CRACR2A: variants seen among roughly 807,000 people sequenced by gnomAD.
CRACR2A encodes calcium release activated channel regulator 2A.
CRACR2A carries 79 observed loss-of-function variants against 90.5 expected under a neutral mutation model. The observed-to-expected ratio is 0.87, with a 90% CI of 0.73 to 1.05. CRACR2A has a LOEUF of 1.05. Ranked by LOEUF, CRACR2A falls within the 50% of genes least tolerant of loss-of-function variation. CRACR2A has a pLI of 0.00. For synonymous variants in CRACR2A, 338 were observed against 356.7 expected, an observed-to-expected ratio of 0.95 and a Z score of 0.59; for missense variants, 823 against 897.2, an observed-to-expected ratio of 0.92 and a Z score of 1.06.
In CRACR2A at chr12:3,696,858, G is replaced by A; in HGVS notation, c.142C>T (p.Gln48Ter). 3 of 1,614,204 alleles carry A rather than the reference G, an allele frequency of 1.9e-6. No individual in the cohort carries two copies. The highest frequency in any genetic ancestry group is 2.5e-6 in the Non-Finnish European group (3 of 1,180,036). Residue 48 changes from glutamine (Q) to a stop codon, truncating the protein, a stop_gained, in exon 4 of 20, where the codon CAG becomes TAG. Transcript: ENST00000440314. LOFTEE classifies it high-confidence loss of function. Reference sequence around the variant, plus strand: ...TGTGCCTTCCTCAGCATGACTAGCTGGCCCGACGTTTGCTCCTGAGTCTCC... The same window carrying A: ...TGTGCCTTCCTCAGCATGACTAGCTAGCCCGACGTTTGCTCCTGAGTCTCC... Reference protein sequence around the residue: ...QKETQEQTSGQLVMLRKAQEF... With the variant: ...QKETQEQTSG
At chr12:3,654,432 G>A in intron 9 of CRACR2A, 33 bp from the exon 10 acceptor site, 3 of 1,549,708 alleles carry the variant, frequency 1.9e-6, no homozygotes, top group Non-Finnish European at 2.6e-6. Context: ...GGGGAATGAG[G>A]AGTGACCACC....
chr12:3,742,584 G>A (rs1170149220), intron 1 of CRACR2A, among the ~76,000 whole-genome samples: 2 of 152,266 alleles, frequency 1.3e-5, no homozygotes, highest in African/African-American at 4.8e-5. Context: ...GAACTAGTCA[G>A]TGAAGGCCAG....
At chr12:3,735,931 G>C (rs1035054548) in intron 1 of CRACR2A, among the ~76,000 whole-genome samples, 1 of 152,158 alleles carries the variant, frequency 6.6e-6, no homozygotes, top group Admixed American at 6.6e-5. Context: ...TACTGAGAAG[G>C]GATGGCATGC....
rs779197323 is a variant in CRACR2A at position 3,656,279 on chromosome 12, C to T, written c.858+32G>A. 9 of 1,604,022 alleles carry T rather than the reference C, an allele frequency of 5.6e-6. No homozygotes were observed. The South Asian group carries it at 8.8e-5, about 16-fold the overall frequency. ...CAGAGAAAAGGAGAGAGTGAAGAGCCAGGTACTCTGGGGCCATGGATGGCA... is the reference window on the plus strand; with the variant it reads ...CAGAGAAAAGGAGAGAGTGAAGAGCTAGGTACTCTGGGGCCATGGATGGCA... On this transcript the variant is annotated intron_variant, in intron 9 of 19. Transcript: ENST00000440314.
chr12:3,735,468 GTAA>G (rs1565507655), intron 1 of CRACR2A, among the ~76,000 whole-genome samples: 1 of 152,132 alleles, frequency 6.6e-6, no homozygotes, highest in African/African-American at 2.4e-5. Flanking sequence ...TAAGTAAATA[GTAA>G]TAAAATAACA....
At position 3,711,449 on chromosome 12, in the gene CRACR2A, T is replaced by A. The variant is rs1946004917; in HGVS notation, c.-37+1788A>T. Among the ~76,000 whole-genome samples, 3 of 152,236 alleles carry A rather than the reference T, an allele frequency of 2.0e-5. No homozygotes were observed. In the South Asian group the frequency reaches 6.2e-4, roughly 32 times the overall value. ...GGTTCTACCTTCTACAAAACACTGA[T>A]GTGAGCACAACTTAGCCAAGTTCTT... is the stretch of plus-strand genomic sequence containing the variant. On this transcript the variant is annotated intron_variant, in intron 3 of 19. Coordinates refer to ENST00000440314, the MANE Select transcript of CRACR2A (RefSeq NM_001144958.2). The surrounding 1 kb of genome is among the most constrained non-coding windows in gnomAD (Gnocchi z 4.3).
At chr12:3,677,349 T>C (rs1340978803) in intron 6 of CRACR2A, among the ~76,000 whole-genome samples, 2 of 152,216 alleles carry the variant, frequency 1.3e-5, no homozygotes, top group Non-Finnish European at 2.9e-5. Flanking sequence ...CTGGTCACCA[T>C]CTTCTGTGTA....
chr12:3,719,135 A>T (rs949093139), intron 2 of CRACR2A, among the ~76,000 whole-genome samples: 1 of 152,202 alleles, frequency 6.6e-6, no homozygotes, highest in Non-Finnish European at 1.5e-5. Context: ...AGCCTCGGTT[A>T]TGTGCAGATG....
At chr12:3,657,793 A>G (rs1425790970) in intron 8 of CRACR2A, among the ~76,000 whole-genome samples, 1 of 152,148 alleles carries the variant, frequency 6.6e-6, no homozygotes, top group South Asian at 2.1e-4. Context: ...CAATGGGCCT[A>G]CAGAGCATCC....
At chr12:3,736,641 A>AG (rs1946455252) in intron 1 of CRACR2A, among the ~76,000 whole-genome samples, 1 of 152,280 alleles carries the variant, frequency 6.6e-6, no homozygotes, top group African/African-American at 2.4e-5. Flanking sequence ...TGAGGGCTGG[A>AG]ATCATGCAGG....
chr12:3,622,026 CCTCT>C (rs1449138617), intron 17 of CRACR2A, among the ~76,000 whole-genome samples: 1 of 152,134 alleles, frequency 6.6e-6, no homozygotes, highest in Non-Finnish European at 1.5e-5. Context: ...GTCTCATGGT[CCTCT>C]CTGACTTTGA....
At chr12:3,720,464 A>AAAGAAAGAAAGAAAGAAAGAAAGC (rs1478961662) in intron 2 of CRACR2A, among the ~76,000 whole-genome samples, 52 of 150,884 alleles carry the variant, frequency 3.4e-4, no homozygotes, top group South Asian at 1.9e-3. Flanking sequence ...AGAAAGAAAG[A>AAAGAAAGAAAGAAAGAAAGAAAGC]AAGCAAAAGA....
chr12:3,616,481 T>C (rs531548902), intron 19 of CRACR2A, among the ~76,000 whole-genome samples: 2 of 152,300 alleles, frequency 1.3e-5, no homozygotes. Flanking sequence ...TTACCTCCCA[T>C]TGATTTCCCA....
In CRACR2A at chr12:3,627,702, A is replaced by G; in HGVS notation, c.1740T>C (p.Ile580=). The stretch of plus-strand genomic sequence containing the variant: ...CATTCAACGTCTTCACACGGTAATC[A>G]ATGCCTGCAGGGTGAAATGGGCCTG... ...FSPGMAATVG[I]DYRVKTLNVD... The change falls in exon 16 of 20, where the codon ATT becomes ATC. Residue 580 remains isoleucine, a synonymous_variant. Transcript: ENST00000440314. The G allele has an allele frequency of 6.4e-7, 1 of 1,551,720 alleles. No individual in the cohort carries two copies. Among genetic ancestry groups the G allele is most frequent in the Non-Finnish European group, 8.7e-7 (1 of 1,146,992 alleles).
In CRACR2A at chr12:3,713,218, C is replaced by T; in HGVS notation, c.-37+19G>A. The stretch of plus-strand genomic sequence containing the variant: ...GATCTAGTACTCTGCAACCTGTCGC[C>T]TTTTGTTCGCTCACTCACCTTGCAG... On this transcript the variant is annotated intron_variant, in intron 3 of 19. Transcript: ENST00000440314. The T allele has an allele frequency of 7.1e-6, 7 of 984,892 alleles. No homozygotes were observed. Among genetic ancestry groups the T allele is most frequent in the Non-Finnish European group, 8.4e-6 (7 of 829,538 alleles). 61.0% of individuals were successfully genotyped at this position (984,892 alleles called of 1,614,324 possible).
intron 18 of CRACR2A, 54 bp from the exon 19 acceptor site, chr12:3,617,084 G>C: frequency 2.2e-6 from 3 of 1,369,040 alleles, no homozygotes; most frequent in Non-Finnish European, 3.1e-6. Context: ...AGGGGATTGT[G>C]GGGGGTGGTG....
chr12:3,734,331 C>A (rs1946413426), intron 1 of CRACR2A, among the ~76,000 whole-genome samples: 1 of 152,100 alleles, frequency 6.6e-6, no homozygotes, highest in African/African-American at 2.4e-5. Context: ...AATTAAGAAA[C>A]ATTTTTTACC....
chr12:3,706,180 G>A (rs1279602428), intron 3 of CRACR2A, among the ~76,000 whole-genome samples: 2 of 152,190 alleles, frequency 1.3e-5, no homozygotes, highest in African/African-American at 4.8e-5. Flanking sequence ...TCATGCCTGT[G>A]CCTCTTCTAT....
intron 2 of CRACR2A, among the ~76,000 whole-genome samples, chr12:3,720,960 C>T (rs1186487347): frequency 6.6e-6 from 1 of 152,220 alleles, no homozygotes; most frequent in Non-Finnish European, 1.5e-5. Context: ...GCAGAACTCA[C>T]TTTATTACCC....
Sources: gnomAD v4.1 joint callset for allele counts (sites outside exome capture counted in the v4.1 genomes callset) on GRCh38, gnomAD v4.1.1 for gene constraint, Gnocchi (gnomAD v3.1) non-coding constraint, MANE v1.5 for transcripts, NCBI Gene and HGNC (gene_info 2026-07-23, HGNC 2026-07-21) for gene names.